ZNF398: variants seen among roughly 807,000 people sequenced by gnomAD.
The protein encoded by ZNF398 is zinc finger DNA binding protein ZER6.
Under a neutral mutation model 41.9 loss-of-function variants are expected in ZNF398, and 18 were observed. The observed-to-expected ratio is 0.43, with a 90% confidence interval of 0.30 to 0.64. The LOEUF (loss-of-function observed/expected upper bound fraction) is 0.64, where lower values mean the gene tolerates loss of function less well. Among genes scored for constraint, ZNF398 ranks in the 30% least tolerant of loss-of-function variants. ZNF398 has a pLI of 0.14. For missense variants in ZNF398, 669 were observed against 822.8 expected (o/e 0.81, Z 2.29); for synonymous variants, 260 against 308.8 (o/e 0.84, Z 1.66).
Position 149,166,889 on chromosome 7 carries a change from C to A in ZNF398, c.620C>A (p.Ala207Glu). 6.2e-7 allele frequency: 1 copy of A among 1,612,994 alleles called. No individual in the cohort carries two copies. The highest frequency in any genetic ancestry group is 1.1e-5 in the South Asian group (1 of 91,014). ...GGGGAACATAATACAGAGGACCAGG[C>A]AGGGCCAGAGGAAAGTGAGATTCCC... ...PEGEHNTEDQ[A>E]GPEESEIPTD... is the part of the protein sequence containing the mutation. The change falls in exon 4 of 6, where the codon GCA becomes GAA. Residue 207 changes from alanine to glutamate, a missense_variant. Transcript: ENST00000475153.
At chr7:149,149,582 AT>A (rs1827059624) in intron 1 of ZNF398, among the ~76,000 whole-genome samples, 1 of 152,138 alleles carries the variant, frequency 6.6e-6, no homozygotes, top group African/African-American at 2.4e-5. Flanking sequence ...CAAGCCTGTT[AT>A]CCCAAGCACT....
At chr7:149,129,949 T>C (rs1054560450) in intron 2 of ZNF398, among the ~76,000 whole-genome samples, 2 of 151,952 alleles carry the variant, frequency 1.3e-5, no homozygotes, top group African/African-American at 4.8e-5. Context: ...TACAGGCATG[T>C]GCCACCACGC....
rs778078942 is a variant in ZNF398 at position 149,154,094 on chromosome 7, G to C, written c.174G>C (p.Glu58Asp). The change falls in exon 2 of 6, where the codon GAG becomes GAC. Residue 58 changes from glutamate (E) to aspartate (D), a missense_variant. This residue lies in a region of ZNF398 where 169 missense variants were observed against 239.5 expected (regional missense o/e 0.71). Coordinates refer to ENST00000475153, the MANE Select transcript of ZNF398 (RefSeq NM_170686.3). ...TGCAGGCTATAGAGAGGAAGGTGGA[G>C]ATCCACAGCCGGCGACTCCTACACC... ...AAVQAIERKV[E>D]IHSRRLLHLE... 1.2e-6 allele frequency: 2 copies of C among 1,614,092 alleles called. No individual in the cohort carries two copies. Among genetic ancestry groups the C allele is most frequent in the Admixed American group, 3.3e-5 (2 of 60,004 alleles).
chr7:149,134,064 C>A, intron 2 of ZNF398, among the ~76,000 whole-genome samples: 1 of 128,532 alleles, frequency 7.8e-6, no homozygotes, highest in Non-Finnish European at 1.6e-5. Flanking sequence ...CTGTTTTTGT[C>A]TTTTTTTTTT....
chr7:149,169,044 T>C (rs904266268), intron 4 of ZNF398, among the ~76,000 whole-genome samples: 1 of 152,230 alleles, frequency 6.6e-6, no homozygotes, highest in Non-Finnish European at 1.5e-5. Flanking sequence ...TTATCTGTCA[T>C]AGACCTCAGC....
intron 2 of ZNF398, among the ~76,000 whole-genome samples, chr7:149,130,010 G>C (rs1826566368): frequency 1.3e-5 from 2 of 151,886 alleles, no homozygotes; most frequent in Non-Finnish European, 2.9e-5. Context: ...TGTTGGTCAG[G>C]CTGGTCTCGA....
chr7:149,175,738 G>A (rs1265608217), intron 4 of ZNF398, among the ~76,000 whole-genome samples: 1 of 152,164 alleles, frequency 6.6e-6, no homozygotes, highest in Admixed American at 6.5e-5. Context: ...AGGCTGGAGT[G>A]CAATGGTGCG....
At chr7:149,148,027 G>T (rs1024077409) in intron 1 of ZNF398, 3 of 378,602 alleles carry the variant, frequency 7.9e-6, no homozygotes, top group African/African-American at 6.3e-5. Flanking sequence ...GGGCCCTGCA[G>T]TTGGGTTGAA....
chr7:149,141,296 CT>C (rs35880201), intron 2 of ZNF398, among the ~76,000 whole-genome samples: 111,935 of 133,830 alleles, frequency 0.84, 46,620 homozygotes, highest in Middle Eastern at 0.94. Context: ...AATCCACAGA[CT>C]TTTTTTTTTT....
rs188363057 is a variant in ZNF398 at position 149,160,213 on chromosome 7, C to T, written c.420+5873C>T. ...CAGCACTTTGGGAGGCCAAGGCGGG[C>T]GGATCACAAGGTCAGGAGATCGAGA... On this transcript the variant is annotated intron_variant, in intron 2 of 5. Transcript: ENST00000475153. Among the ~76,000 whole-genome samples the T allele has an allele frequency of 1.5e-3, 225 of 152,144 alleles. 3 individuals carry two copies. Among genetic ancestry groups the T allele is most frequent in the Non-Finnish European group, 5.9e-4 (40 of 68,004 alleles).
intron 2 of ZNF398, among the ~76,000 whole-genome samples, chr7:149,140,161 A>T (rs1424544185): frequency 6.6e-6 from 1 of 152,200 alleles, no homozygotes; most frequent in Non-Finnish European, 1.5e-5. Flanking sequence ...ATTACGAAAG[A>T]TGTTATTTTA....
chr7:149,168,368 G>A lies in ZNF398; in HGVS notation c.661+1438G>A, dbSNP rs558400460. 1.2e-4 allele frequency among the ~76,000 whole-genome samples: 18 copies of A among 151,264 alleles called. No individual in the cohort carries two copies. In the South Asian group the frequency reaches 2.7e-3, roughly 23 times the overall value. On this transcript the variant is annotated intron_variant, in intron 4 of 5. Coordinates refer to ENST00000475153, the MANE Select transcript of ZNF398 (RefSeq NM_170686.3). ...GCTGGGATTACAGGCATGAGCCACC[G>A]CACCCAGCCATCTATCCTATTTTTG...
intron 1 of ZNF398, among the ~76,000 whole-genome samples, chr7:149,150,390 G>T (rs1212970122): frequency 1.3e-5 from 2 of 152,076 alleles, no homozygotes; most frequent in Non-Finnish European, 2.9e-5. Context: ...CTTGAGCTGA[G>T]TAGTTTGAGA....
chr7:149,155,709 T>TATA (rs1563159486), intron 2 of ZNF398, among the ~76,000 whole-genome samples: 2 of 20,474 alleles, frequency 9.8e-5, no homozygotes, highest in African/African-American at 2.1e-4. Flanking sequence ...ATATATATAT[T>TATA]TTTTTTTTTT....
chr7:149,155,707 A>ATATATATT (rs1794954712), intron 2 of ZNF398, among the ~76,000 whole-genome samples: 8 of 73,574 alleles, frequency 1.1e-4, no homozygotes, highest in Non-Finnish European at 1.4e-4. Context: ...ATATATATAT[A>ATATATATT]TTTTTTTTTT....
At chr7:149,131,483 T>C (rs185528455) in intron 2 of ZNF398, among the ~76,000 whole-genome samples, 115 of 152,208 alleles carry the variant, frequency 7.6e-4, no homozygotes, top group African/African-American at 2.5e-3. Flanking sequence ...ATCAGGAGAT[T>C]GAGACAATCC....
At chr7:149,141,748 C>T (rs1480360992) in intron 2 of ZNF398, among the ~76,000 whole-genome samples, 11 of 152,030 alleles carry the variant, frequency 7.2e-5, no homozygotes, top group Non-Finnish European at 1.3e-4. Context: ...GCCACTGTGC[C>T]CGGCCTAATT....
chr7:149,151,691 A>C (rs926176138), intron 1 of ZNF398, among the ~76,000 whole-genome samples: 2 of 152,250 alleles, frequency 1.3e-5, no homozygotes, highest in Non-Finnish European at 1.5e-5. Context: ...AAAAAAATAA[A>C]AAAAAAATTA....
chr7:149,166,435 C>G (rs1477082682), intron 3 of ZNF398, 151 bp downstream of exon 3: 1 of 928,218 alleles, frequency 1.1e-6, no homozygotes, highest in Non-Finnish European at 1.7e-6. Flanking sequence ...TTAATGCTTG[C>G]TAACTAGGAA....
Sources: allele counts gnomAD v4.1 joint callset (sites outside exome capture counted in the v4.1 genomes callset), GRCh38; gene constraint gnomAD v4.1.1; regional missense constraint gnomAD v4.1.1; transcripts MANE v1.5; gene names NCBI Gene and HGNC (gene_info 2026-07-23, HGNC 2026-07-21).